Variants in LRMDA observed in about 807,000 individuals in gnomAD.
The protein encoded by LRMDA is leucine-rich melanocyte differentiation-associated protein.
In LRMDA, 18 loss-of-function variants were observed where a neutral mutation model predicts 29.8. That is an observed-to-expected ratio of 0.60 (90% CI 0.42 to 0.90). The LOEUF (loss-of-function observed/expected upper bound fraction) is 0.90. Among genes scored for constraint, LRMDA ranks in the 40% least tolerant of loss-of-function variants. The pLI is 0.00. For synonymous variants in LRMDA, 125 were observed against 109.4 expected, an observed-to-expected ratio of 1.14 and a Z score of -0.89; for missense variants, 273 against 273.9, an observed-to-expected ratio of 1.00 and a Z score of 0.02.
intron 6 of LRMDA, among the ~76,000 whole-genome samples, chr10:76,556,816 A>G (rs1043810327): frequency 6.6e-6 from 1 of 152,174 alleles, no homozygotes; most frequent in Non-Finnish European, 1.5e-5. Flanking sequence ...ATTGTTCTAC[A>G]TCTTTTACTT....
At chr10:76,131,085 T>G (rs1391072747) in intron 5 of LRMDA, among the ~76,000 whole-genome samples, 1 of 152,212 alleles carries the variant, frequency 6.6e-6, no homozygotes, top group African/African-American at 2.4e-5. Context: ...AATGCACATT[T>G]ATGGTCCATG....
At chr10:75,437,367 T>C (rs1844274232) in intron 1 of LRMDA, among the ~76,000 whole-genome samples, 1 of 152,174 alleles carries the variant, frequency 6.6e-6, no homozygotes. Flanking sequence ...TGTCTATATG[T>C]GTGGAAGAAT....
intron 5 of LRMDA, among the ~76,000 whole-genome samples, chr10:76,143,704 C>T (rs889464930): frequency 3.3e-5 from 5 of 152,130 alleles, no homozygotes; most frequent in African/African-American, 1.2e-4. Context: ...TAATTAGATC[C>T]CATTTGTCAA....
intron 5 of LRMDA, among the ~76,000 whole-genome samples, chr10:76,071,334 A>G (rs1027484842): frequency 2.0e-5 from 3 of 152,246 alleles, no homozygotes; most frequent in Non-Finnish European, 4.4e-5. Context: ...CAAGTACTGT[A>G]TTATGAAACA....
intron 4 of LRMDA, among the ~76,000 whole-genome samples, chr10:76,051,468 A>C (rs985843610): frequency 5.9e-5 from 9 of 152,244 alleles, no homozygotes; most frequent in Non-Finnish European, 1.2e-4. Context: ...TCGGCTCATT[A>C]GAGTGAGATT....
chr10:75,629,334 TTC>T, intron 2 of LRMDA, among the ~76,000 whole-genome samples: 1 of 152,336 alleles, frequency 6.6e-6, no homozygotes, highest in Admixed American at 6.5e-5. Context: ...CCCCAATCTT[TTC>T]TTTTTTCTTT....
chr10:75,997,106 T>G (rs1163747349), intron 2 of LRMDA, among the ~76,000 whole-genome samples: 1 of 152,178 alleles, frequency 6.6e-6, no homozygotes, highest in Admixed American at 6.5e-5. Context: ...TGGAAAATAC[T>G]GAGAATCATA....
intron 2 of LRMDA, among the ~76,000 whole-genome samples, chr10:75,818,384 A>G (rs1844096988): frequency 6.6e-6 from 1 of 152,210 alleles, no homozygotes; most frequent in Non-Finnish European, 1.5e-5. Flanking sequence ...GGAACTCTGC[A>G]GTATTTTGTT....
chr10:76,494,733 A>T (rs568562858), intron 6 of LRMDA, among the ~76,000 whole-genome samples: 96 of 151,738 alleles, frequency 6.3e-4, no homozygotes, highest in African/African-American at 2.3e-3. Context: ...TTCTAATATG[A>T]CCTCTAATGG....
intron 2 of LRMDA, among the ~76,000 whole-genome samples, chr10:75,439,688 AC>A: frequency 6.6e-6 from 1 of 151,938 alleles, no homozygotes; most frequent in East Asian, 1.9e-4. Flanking sequence ...ATTCTTCCTT[AC>A]TCCCAAAGGG....
At chr10:75,891,799 C>T (rs2132354341) in intron 2 of LRMDA, among the ~76,000 whole-genome samples, 1 of 152,210 alleles carries the variant, frequency 6.6e-6, no homozygotes, top group African/African-American at 2.4e-5. Context: ...CAGAGATGAA[C>T]AACAGGAAGA....
chr10:75,600,589 C>A (rs75594622), intron 2 of LRMDA, among the ~76,000 whole-genome samples: 4,881 of 152,180 alleles, frequency 0.032, 258 homozygotes, highest in African/African-American at 0.11. Flanking sequence ...GGTCAAAGTG[C>A]CAGAAGAAAA....
At chr10:75,644,487 A>G (rs1426559411) in intron 2 of LRMDA, among the ~76,000 whole-genome samples, 1 of 152,202 alleles carries the variant, frequency 6.6e-6, no homozygotes, top group Admixed American at 6.5e-5. Context: ...ATATAACTGA[A>G]TCTAATCACA....
intron 2 of LRMDA, among the ~76,000 whole-genome samples, chr10:75,995,080 G>A (rs1847437655): frequency 6.6e-6 from 1 of 152,134 alleles, no homozygotes; most frequent in South Asian, 2.1e-4. Flanking sequence ...TTTTCTTGGA[G>A]AGTTAGAATG....
chr10:76,477,595 G>T (rs1273269737), intron 6 of LRMDA, among the ~76,000 whole-genome samples: 3 of 152,170 alleles, frequency 2.0e-5, no homozygotes, highest in Non-Finnish European at 2.9e-5. Context: ...CATCGCCAAG[G>T]CAATCCTAAG....
chr10:75,803,908 T>C (rs894163688), intron 2 of LRMDA, among the ~76,000 whole-genome samples: 1 of 152,222 alleles, frequency 6.6e-6, no homozygotes, highest in Non-Finnish European at 1.5e-5. Context: ...TCCCGCTCCG[T>C]CCTGGTCTGC....
intron 5 of LRMDA, among the ~76,000 whole-genome samples, chr10:76,161,210 T>C (rs1325296838): frequency 6.6e-6 from 1 of 152,142 alleles, no homozygotes; most frequent in Non-Finnish European, 1.5e-5. Context: ...CACGTATTTC[T>C]CTTTAAGTGA....
chr10:75,532,468 T>G (rs1280779116), intron 2 of LRMDA, among the ~76,000 whole-genome samples: 1 of 152,158 alleles, frequency 6.6e-6, no homozygotes, highest in Non-Finnish European at 1.5e-5. Context: ...GGAAAGTGCC[T>G]TTTCTGCTGT....
chr10:75,492,793 G>T (rs948259869), intron 2 of LRMDA, among the ~76,000 whole-genome samples: 1 of 152,166 alleles, frequency 6.6e-6, no homozygotes, highest in African/African-American at 2.4e-5. Context: ...GATACAATGT[G>T]CATTTAATCA....
Sources: gnomAD v4.1 joint callset for allele counts (sites outside exome capture counted in the v4.1 genomes callset) on GRCh38, gnomAD v4.1.1 for gene constraint, MANE v1.5 for transcripts, NCBI Gene and HGNC (gene_info 2026-07-23, HGNC 2026-07-21) for gene names.